SFXN5: variants seen among roughly 807,000 people sequenced by gnomAD.
The protein encoded by SFXN5 is sideroflexin-5.
A neutral mutation model predicts 50.2 loss-of-function variants in SFXN5; 43 were observed. That is an observed-to-expected ratio of 0.86 (90% confidence interval 0.67 to 1.11). The LOEUF (loss-of-function observed/expected upper bound fraction) is 1.11, where lower values mean the gene tolerates loss of function less well. Ranked by LOEUF, SFXN5 falls within the 50% of genes least tolerant of loss-of-function variation. The probability of loss-of-function intolerance (pLI) is 0.00; values close to 1 mark genes in which losing one functional copy is unlikely to be tolerated. For synonymous variants in SFXN5, 203 were observed against 185.8 expected, an observed-to-expected ratio of 1.09 and a Z score of -0.75; for missense variants, 463 against 454.1, an observed-to-expected ratio of 1.02 and a Z score of -0.18.
At chr2:72,956,576 A>G (rs1673113091) in intron 13 of SFXN5, among the ~76,000 whole-genome samples, 1 of 152,206 alleles carries the variant, frequency 6.6e-6, no homozygotes, top group South Asian at 2.1e-4. Flanking sequence ...AGCCTGCTCC[A>G]TCGTCAACAA....
intron 2 of SFXN5, chr2:73,044,443 G>A (rs1186075070): frequency 6.6e-6 from 1 of 152,384 alleles, no homozygotes; most frequent in Non-Finnish European, 1.5e-5. Flanking sequence ...AGGGCCCTGA[G>A]GCCTGGCTGT....
chr2:73,052,391 T>TGA (rs983438360), intron 2 of SFXN5, among the ~76,000 whole-genome samples: 2 of 148,716 alleles, frequency 1.3e-5, no homozygotes, highest in African/African-American at 2.5e-5. Context: ...TGTGTGTGTG[T>TGA]GATGAGTGCA....
intron 10 of SFXN5, among the ~76,000 whole-genome samples, chr2:72,977,127 C>G (rs1670711502): frequency 6.6e-6 from 1 of 152,146 alleles, no homozygotes; most frequent in African/African-American, 2.4e-5. Flanking sequence ...GCCTCTTGTC[C>G]TCTGGACACT....
intron 10 of SFXN5, among the ~76,000 whole-genome samples, chr2:72,978,420 T>C (rs999182602): frequency 6.6e-6 from 1 of 151,630 alleles, no homozygotes; most frequent in Non-Finnish European, 1.5e-5. Context: ...GTAGCTGCAA[T>C]TACAGGCGCC....
intron 12 of SFXN5, among the ~76,000 whole-genome samples, chr2:72,967,475 G>A (rs1053255828): frequency 2.6e-5 from 4 of 152,176 alleles, no homozygotes; most frequent in Non-Finnish European, 5.9e-5. Flanking sequence ...TGAGGGGGTG[G>A]CATTCGGGCA....
At chr2:72,949,097 A>G (rs1456879158) in intron 13 of SFXN5, among the ~76,000 whole-genome samples, 1 of 152,214 alleles carries the variant, frequency 6.6e-6, no homozygotes, top group Non-Finnish European at 1.5e-5. Flanking sequence ...GATTTTGATC[A>G]GAAAGGGCAG....
At chr2:72,966,564 C>T (rs1279012308) in intron 12 of SFXN5, among the ~76,000 whole-genome samples, 5 of 152,180 alleles carry the variant, frequency 3.3e-5, no homozygotes, top group Non-Finnish European at 4.4e-5. Flanking sequence ...TGCTCAGGTA[C>T]CCCCAGAGCC....
In SFXN5 at chr2:73,063,949, C is replaced by T. The variant is rs549531239; in HGVS notation, c.103-5353G>A. ...TCCCATCTTTACCCAATCGCACAATCGGTGGATGTTTTTCCTCCCCTTTTT... is the reference window on the plus strand; with the variant it reads ...TCCCATCTTTACCCAATCGCACAATTGGTGGATGTTTTTCCTCCCCTTTTT... On this transcript the variant is annotated intron_variant, in intron 1 of 13. Coordinates refer to ENST00000272433, the MANE Select transcript of SFXN5 (RefSeq NM_144579.3). 1.2e-4 allele frequency among the ~76,000 whole-genome samples: 19 copies of T among 152,320 alleles called. No individual in the cohort carries two copies. The East Asian group carries it at 2.9e-3, about 23-fold the overall frequency.
intron 2 of SFXN5, among the ~76,000 whole-genome samples, chr2:73,051,257 CTTT>C (rs35074891): frequency 8.7e-6 from 1 of 114,786 alleles, no homozygotes; most frequent in Non-Finnish European, 1.7e-5. Flanking sequence ...TTTTCCAGCA[CTTT>C]TTTTTTTTTT....
intron 6 of SFXN5, among the ~76,000 whole-genome samples, chr2:73,011,045 G>A (rs1200196332): frequency 6.6e-6 from 1 of 152,170 alleles, no homozygotes; most frequent in Non-Finnish European, 1.5e-5. Flanking sequence ...TTAGAATACA[G>A]AATTGATAAA....
chr2:73,037,536 G>T (rs955603222), intron 3 of SFXN5, among the ~76,000 whole-genome samples: 1 of 152,142 alleles, frequency 6.6e-6, no homozygotes, highest in East Asian at 1.9e-4. Flanking sequence ...ATTGAAAGGG[G>T]TAATGAAGAA....
At chr2:72,999,959 C>T (rs1374513511) in intron 8 of SFXN5, among the ~76,000 whole-genome samples, 1 of 152,060 alleles carries the variant, frequency 6.6e-6, no homozygotes, top group Non-Finnish European at 1.5e-5. Context: ...GGGGAGTTAC[C>T]AGCCCTGGAC....
Position 72,998,982 on chromosome 2 carries a change from G to A in SFXN5, c.501C>T (p.Tyr167=), listed in dbSNP as rs769606252. 2.4e-5 allele frequency: 38 copies of A among 1,614,054 alleles called. No individual in the cohort carries two copies. The highest frequency in any genetic ancestry group is 1.6e-4 in the Middle Eastern group (1 of 6,084). Residue 167 remains tyrosine (Y), a synonymous_variant, in exon 9 of 14, where the codon TAC becomes TAT. Transcript: ENST00000272433. ...PSPASKFIQG[Y]LGAVISAVSI... ...AGACGGCGCTGATGACAGCTCCCAG[G>A]TATCCCTGGATGAACTTGGATGCAG...
chr2:72,982,099 G>T (rs949912522), intron 10 of SFXN5, among the ~76,000 whole-genome samples: 3 of 152,172 alleles, frequency 2.0e-5, no homozygotes, highest in African/African-American at 7.2e-5. Context: ...ACAGAGTGGA[G>T]CTGGAAGAGG....
intron 1 of SFXN5, among the ~76,000 whole-genome samples, chr2:73,061,235 G>A (rs1158724967): frequency 6.6e-6 from 1 of 151,714 alleles, no homozygotes; most frequent in East Asian, 2.0e-4. Context: ...TTGAACCTAG[G>A]AGGTGGAGGT....
At position 72,960,646 on chromosome 2, in the gene SFXN5, C is replaced by T. The variant is rs1334578096; in HGVS notation, c.945+485G>A. On this transcript the variant is annotated intron_variant, in intron 13 of 13. Coordinates refer to ENST00000272433, the MANE Select transcript of SFXN5 (RefSeq NM_144579.3). This position sits in a 1 kb window ranked among gnomAD's most constrained non-coding sequence, Gnocchi z 6.1. The stretch of plus-strand genomic sequence containing the variant: ...CTGGCTTCCAAGTTCCCAACACCAC[C>T]CAGCCCAGCCCCTCATTCCCAGGCC... Among the ~76,000 whole-genome samples the T allele has an allele frequency of 6.6e-6, 1 of 152,168 alleles. No homozygotes were observed. Among genetic ancestry groups the T allele is most frequent in the Non-Finnish European group, 1.5e-5 (1 of 68,026 alleles).
At chr2:73,064,883 C>T (rs182347483) in intron 1 of SFXN5, among the ~76,000 whole-genome samples, 269 of 152,314 alleles carry the variant, frequency 1.8e-3, no homozygotes, top group South Asian at 3.1e-3. Context: ...ACTTCCTGGA[C>T]TCGGGTGATT....
chr2:73,065,792 T>C (rs1174038271), intron 1 of SFXN5, among the ~76,000 whole-genome samples: 1 of 152,084 alleles, frequency 6.6e-6, no homozygotes, highest in Non-Finnish European at 1.5e-5. Context: ...TGTCATCAAG[T>C]GATCTGCCCG....
At chr2:72,983,413 G>A (rs1253778908) in intron 10 of SFXN5, among the ~76,000 whole-genome samples, 1 of 152,202 alleles carries the variant, frequency 6.6e-6, no homozygotes, top group African/African-American at 2.4e-5. Context: ...TTCTCAGCAA[G>A]GAGCTGCTGA....
Sources: allele counts gnomAD v4.1 joint callset (sites outside exome capture counted in the v4.1 genomes callset), GRCh38; gene constraint gnomAD v4.1.1; non-coding constraint Gnocchi (gnomAD v3.1); transcripts MANE v1.5; gene names NCBI Gene and HGNC (gene_info 2026-07-23, HGNC 2026-07-21).